Variants in CNTN4 observed in about 807,000 individuals in gnomAD.
CNTN4 encodes the protein contactin-4.
Under a neutral mutation model 122.5 loss-of-function variants are expected in CNTN4, and 77 were observed. The ratio of observed to expected loss-of-function variants is 0.63; its 90% CI spans 0.52 to 0.76. The LOEUF is 0.76. Among genes scored for constraint, CNTN4 ranks in the 30% least tolerant of loss-of-function variants. CNTN4 has a pLI of 0.00. For missense variants in CNTN4, 1,256 were observed against 1,259.1 expected, an observed-to-expected ratio of 1.00 and a Z score of 0.04; for synonymous variants, 512 against 447.0, an observed-to-expected ratio of 1.15 and a Z score of -1.83.
chr3:2,497,840 C>A (rs545215763), intron 3 of CNTN4, among the ~76,000 whole-genome samples: 11 of 152,198 alleles, frequency 7.2e-5, no homozygotes, highest in African/African-American at 2.4e-4. Flanking sequence ...GGGATATAAA[C>A]CTCATAATTG....
chr3:2,348,914 A>G (rs926463661), intron 3 of CNTN4, among the ~76,000 whole-genome samples: 4 of 152,184 alleles, frequency 2.6e-5, no homozygotes, highest in African/African-American at 7.2e-5. Context: ...AAGCTTCCCC[A>G]TCTATAAAAT....
chr3:2,200,086 C>T (rs903996519), intron 2 of CNTN4, among the ~76,000 whole-genome samples: 3 of 152,012 alleles, frequency 2.0e-5, no homozygotes, highest in East Asian at 1.9e-4. Context: ...AAACATTACC[C>T]CTGCAGTATG....
chr3:2,529,767 C>G (rs982149590), intron 3 of CNTN4, among the ~76,000 whole-genome samples: 2 of 151,908 alleles, frequency 1.3e-5, no homozygotes, highest in Non-Finnish European at 2.9e-5. Context: ...TGGTGACCAC[C>G]ATATGATGAG....
chr3:2,136,694 A>T (rs1028773522), intron 2 of CNTN4, among the ~76,000 whole-genome samples: 7 of 141,988 alleles, frequency 4.9e-5, no homozygotes, highest in Non-Finnish European at 9.3e-5. Flanking sequence ...TCCTTGGTTT[A>T]AAAAAAAAAA....
At chr3:2,521,343 T>TCGCCCCC (rs781282977) in intron 3 of CNTN4, among the ~76,000 whole-genome samples, 819 of 128,298 alleles carry the variant, frequency 6.4e-3, no homozygotes, top group South Asian at 0.013. Flanking sequence ...CCTCTACCCA[T>TCGCCCCC]CCCCCCCACC....
At chr3:2,611,096 T>G (rs1435763693) in intron 4 of CNTN4, among the ~76,000 whole-genome samples, 2 of 151,932 alleles carry the variant, frequency 1.3e-5, no homozygotes, top group African/African-American at 4.8e-5. Context: ...ATATTGTTGC[T>G]GTCTCCATTT....
At chr3:2,606,809 C>A (rs1461381512) in intron 4 of CNTN4, among the ~76,000 whole-genome samples, 1 of 152,134 alleles carries the variant, frequency 6.6e-6, no homozygotes, top group Non-Finnish European at 1.5e-5. Context: ...GAAAGTTTTT[C>A]TGAATATTTA....
chr3:2,873,022 A>T (rs542350772), intron 8 of CNTN4, among the ~76,000 whole-genome samples: 1 of 152,296 alleles, frequency 6.6e-6, no homozygotes, highest in South Asian at 2.1e-4. Context: ...GCTTTCACCC[A>T]GTAGGAAAAA....
At chr3:2,316,972 T>C (rs2043124608) in intron 2 of CNTN4, among the ~76,000 whole-genome samples, 1 of 152,206 alleles carries the variant, frequency 6.6e-6, no homozygotes, top group East Asian at 1.9e-4. Flanking sequence ...TGTGACTTCA[T>C]TTTCCTTCCC....
Position 2,501,348 on chromosome 3 carries a change from T to A in CNTN4, c.-88-70068T>A, listed in dbSNP as rs556821154. On this transcript the variant is annotated intron_variant, in intron 3 of 24. Transcript: ENST00000418658. ...ACATTTGTTAACAGATTTTACCCTC[T>A]GTATCCATTTTCTATTGCTGTTGTA... 5.3e-5 allele frequency among the ~76,000 whole-genome samples: 8 copies of A among 152,362 alleles called. No individual in the cohort carries two copies. In the South Asian group the frequency reaches 6.2e-4, roughly 12 times the overall value.
rs147968908 is a variant in CNTN4 at position 2,446,933 on chromosome 3, C to A, written c.-89+107700C>A. On this transcript the variant is annotated intron_variant, in intron 3 of 24. Transcript: ENST00000418658. ...TTACTTTATTTGTGAGGATCATATA[C>A]TAGTAAACTGGGGTAGAGTAGATGA... 2.4e-3 allele frequency among the ~76,000 whole-genome samples: 361 copies of A among 152,236 alleles called. 3 individuals carry two copies. The highest frequency in any genetic ancestry group is 8.4e-3 in the African/African-American group (348 of 41,540).
At chr3:2,576,668 C>G (rs995218567) in intron 4 of CNTN4, among the ~76,000 whole-genome samples, 1 of 151,638 alleles carries the variant, frequency 6.6e-6, no homozygotes, top group African/African-American at 2.4e-5. Flanking sequence ...CTGCCTCAGT[C>G]TCCTGAGGAT....
At chr3:2,828,744 C>T (rs1036523809) in intron 7 of CNTN4, among the ~76,000 whole-genome samples, 1 of 151,870 alleles carries the variant, frequency 6.6e-6, no homozygotes, top group African/African-American at 2.4e-5. Flanking sequence ...AAATATTCTT[C>T]TGTTTGTTTT....
chr3:2,867,586 A>G (rs2093738110), intron 8 of CNTN4, among the ~76,000 whole-genome samples: 1 of 152,022 alleles, frequency 6.6e-6, no homozygotes, highest in South Asian at 2.1e-4. Flanking sequence ...ACGGGTTTTT[A>G]TATATGCTGT....
At chr3:2,500,949 T>C (rs748539895) in intron 3 of CNTN4, among the ~76,000 whole-genome samples, 1 of 152,100 alleles carries the variant, frequency 6.6e-6, no homozygotes, top group African/African-American at 2.4e-5. Context: ...CCCCGCACAA[T>C]GTATAGATTG....
intron 6 of CNTN4, among the ~76,000 whole-genome samples, chr3:2,778,262 G>T (rs62232876): frequency 0.22 from 17,309 of 79,506 alleles, 1,289 homozygotes; most frequent in East Asian, 0.42. Context: ...ATAAAATAAA[G>T]AAATAACTGT....
chr3:2,382,848 C>T (rs1333290833), intron 3 of CNTN4, among the ~76,000 whole-genome samples: 6 of 151,926 alleles, frequency 3.9e-5, no homozygotes, highest in South Asian at 4.1e-4. Context: ...CCGAGGCGGG[C>T]GGATCACCTG....
intron 3 of CNTN4, among the ~76,000 whole-genome samples, chr3:2,542,302 C>G (rs902688900): frequency 6.6e-6 from 1 of 152,080 alleles, no homozygotes; most frequent in South Asian, 2.1e-4. Flanking sequence ...TTGAAAATCT[C>G]TAATAGTCAG....
chr3:2,480,041 C>T (rs1202249474), intron 3 of CNTN4, among the ~76,000 whole-genome samples: 1 of 152,028 alleles, frequency 6.6e-6, no homozygotes, highest in Non-Finnish European at 1.5e-5. Context: ...TCACTAGATG[C>T]AGAAAAGCAT....
Sources: gnomAD v4.1 joint callset for allele counts (sites outside exome capture counted in the v4.1 genomes callset) on GRCh38, gnomAD v4.1.1 for gene constraint, MANE v1.5 for transcripts, NCBI Gene and HGNC (gene_info 2026-07-23, HGNC 2026-07-21) for gene names.